ESPL1: variants seen among roughly 807,000 people sequenced by gnomAD.
The protein encoded by ESPL1 is separin.
ESPL1 carries 50 observed loss-of-function variants against 217.2 expected under a neutral mutation model. That is an observed-to-expected ratio of 0.23 (90% CI 0.18 to 0.29). ESPL1 has a LOEUF of 0.29. ESPL1 is among the 10% of genes least tolerant of loss of function. The probability of loss-of-function intolerance (pLI) is 1.00; values close to 1 mark genes in which losing one functional copy is unlikely to be tolerated. For missense variants in ESPL1, 1,834 were observed against 2,603.0 expected, an observed-to-expected ratio of 0.70 and a Z score of 6.43; for synonymous variants, 994 against 1,081.3, an observed-to-expected ratio of 0.92 and a Z score of 1.58.
At position 53,288,222 on chromosome 12, in the gene ESPL1, A is replaced by C. The variant is rs1943987645; in HGVS notation, c.4427A>C (p.Asp1476Ala). ...GAGCGGCGTCCCCAGAGGGCCAGTG[A>C]CCAGGCCAGGCCTGGCCCTGAGATC... Reference protein sequence around the residue: ...CEERRPQRASDQARPGPEIMR... With the variant: ...CEERRPQRASAQARPGPEIMR... The change falls in exon 19 of 31, where the codon GAC (aspartate) becomes GCC (alanine). Residue 1476 changes from aspartate (D) to alanine (A), a missense_variant. By Grantham distance (126) the Asp-to-Ala change is moderately radical. This residue lies in a region of ESPL1 where 681 missense variants were observed against 808.0 expected (regional missense o/e 0.84). Coordinates refer to ENST00000257934, the MANE Select transcript of ESPL1 (RefSeq NM_012291.5). 2 of 1,610,528 alleles carry C rather than the reference A, an allele frequency of 1.2e-6. No homozygotes were observed. The highest frequency in any genetic ancestry group is 1.7e-6 in the Non-Finnish European group (2 of 1,178,882).
chr12:53,280,830 C>T (rs1943848312), intron 12 of ESPL1, among the ~76,000 whole-genome samples: 1 of 151,768 alleles, frequency 6.6e-6, no homozygotes, highest in Admixed American at 6.6e-5. Context: ...CCCGTCTCTA[C>T]TAAAAATACA....
intron 11 of ESPL1, among the ~76,000 whole-genome samples, chr12:53,278,783 G>C (rs146611652): frequency 6.6e-6 from 1 of 151,556 alleles, no homozygotes; most frequent in Non-Finnish European, 1.5e-5. Context: ...TATAGACAGG[G>C]TTTCACCATA....
chr12:53,288,651 A>G lies in ESPL1; in HGVS notation c.4660A>G (p.Lys1554Glu), dbSNP rs1411978091. 6.2e-7 allele frequency: 1 copy of G among 1,613,810 alleles called. No individual in the cohort carries two copies. Residue 1554 changes from lysine to glutamate, a missense_variant, in exon 20 of 31, where the codon AAG becomes GAG. This residue lies in a region of ESPL1 where 681 missense variants were observed against 808.0 expected (regional missense o/e 0.84). Coordinates refer to ENST00000257934, the MANE Select transcript of ESPL1 (RefSeq NM_012291.5). ...PSPCPDKESD[K>E]DLGPRLRLPS... ...CCCATGCCCAGACAAGGAGAGTGAC[A>G]AGGACCTTGGTCCTCGGCTCCGGCT...
intron 14 of ESPL1, 29 bp from the exon 15 acceptor site, chr12:53,283,100 T>G (rs779054851): frequency 1.2e-6 from 2 of 1,613,776 alleles, no homozygotes; most frequent in Non-Finnish European, 1.7e-6. Flanking sequence ...TGGCTGCATC[T>G]TCTCCCTTTT....
In ESPL1 at chr12:53,270,464, C is replaced by T. The variant is rs368582001; in HGVS notation, c.1230C>T (p.Asp410=). 2.5e-6 allele frequency: 4 copies of T among 1,613,240 alleles called. No homozygotes were observed. The highest frequency in any genetic ancestry group is 3.4e-6 in the Non-Finnish European group (4 of 1,179,200). The change falls in exon 4 of 31, where the codon GAC becomes GAT. Residue 410 remains aspartate, a synonymous_variant. Coordinates refer to ENST00000257934, the MANE Select transcript of ESPL1 (RefSeq NM_012291.5). ...ACCTCTACACTGTGGTGGTTTATGA[C>T]TTTGCCCAAGGCTGTCAGGTACTGT... ...GLHLYTVVVY[D]FAQGCQIVDL...
chr12:53,286,003 C>G lies in ESPL1; in HGVS notation c.3267C>G (p.Pro1089=). Residue 1089 remains proline, a synonymous_variant, in exon 18 of 31, where the codon CCC becomes CCG. Transcript: ENST00000257934. This position sits in a 1 kb window ranked among gnomAD's most constrained non-coding sequence, Gnocchi z 5.3. ...AGGGGAAGCAGCAGGCCCAGGTCCCCTGTCCTCCACAGCTCCCAGAGGAGG... is the reference window on the plus strand; with the variant it reads ...AGGGGAAGCAGCAGGCCCAGGTCCCGTGTCCTCCACAGCTCCCAGAGGAGG... The part of the protein sequence containing the change: ...LQKGKQQAQV[P]CPPQLPEEEL... The G allele has an allele frequency of 1.3e-6, 2 of 1,599,466 alleles. No individual in the cohort carries two copies. The highest frequency in any genetic ancestry group is 1.7e-6 in the Non-Finnish European group (2 of 1,168,138).
At chr12:53,280,378 C>A (rs1429617016) in intron 12 of ESPL1, among the ~76,000 whole-genome samples, 1 of 152,156 alleles carries the variant, frequency 6.6e-6, no homozygotes, top group Non-Finnish European at 1.5e-5. Context: ...ACTATTTTTG[C>A]ATCACTCTAG....
In ESPL1 at chr12:53,286,728, A is replaced by G. The variant is rs147747325; in HGVS notation, c.3992A>G (p.Asn1331Ser). Reference sequence around the variant, plus strand: ...TTAGCCTCTGCTCCCCTGCGCCTCAATAATACCTCTCAGAAAGGTCTGGAA... The same window carrying G: ...TTAGCCTCTGCTCCCCTGCGCCTCAGTAATACCTCTCAGAAAGGTCTGGAA... The part of the protein sequence containing the change: ...QKLASAPLRL[N>S]NTSQKGLEGR... The change falls in exon 18 of 31, where the codon AAT becomes AGT. Residue 1331 changes from asparagine to serine, a missense_variant. Around this residue, in one of 5 missense-constraint regions of ESPL1, gnomAD observed 681 missense variants for 808.0 expected, o/e 0.84. Transcript: ENST00000257934. This position sits in a 1 kb window ranked among gnomAD's most constrained non-coding sequence, Gnocchi z 5.3. The G allele has an allele frequency of 1.3e-3, 2,170 of 1,614,164 alleles. 33 individuals carry two copies. The highest frequency in any genetic ancestry group is 2.0e-4 in the Non-Finnish European group (240 of 1,180,022).
intron 5 of ESPL1, 50 bp downstream of exon 5, chr12:53,270,848 A>T: frequency 6.2e-7 from 1 of 1,607,384 alleles, no homozygotes; most frequent in Non-Finnish European, 8.5e-7. Context: ...GTCATCACCC[A>T]TTAGGCAGGT....
chr12:53,276,536 C>G (rs1943767744), intron 7 of ESPL1, 84 bp from the exon 8 acceptor site: 11 of 1,427,062 alleles, frequency 7.7e-6, no homozygotes, highest in Non-Finnish European at 1.0e-5. Context: ...CAAGCCAAGG[C>G]TGGGGCTCCT....
chr12:53,289,092 C>A lies in ESPL1; in HGVS notation c.4711C>A (p.Leu1571Ile). ...CAAGTGTCCTGACGTTCTTCTAGGT[C>A]TTTCTACCCTGGACTCCATCTGTGA... is the stretch of plus-strand genomic sequence containing the variant. ...RLPSAPVATG[L>I]STLDSICDSL... is the part of the protein sequence containing the mutation. The change falls in exon 21 of 31, where the codon CTT becomes ATT. Residue 1571 changes from leucine (L) to isoleucine (I), a missense_variant and splice_region_variant. Leu to Ile is a conservative substitution (Grantham distance 5). Transcript: ENST00000257934. 3 of 1,612,934 alleles carry A rather than the reference C, an allele frequency of 1.9e-6. No homozygotes were observed. The highest frequency in any genetic ancestry group is 2.5e-6 in the Non-Finnish European group (3 of 1,178,844).
At chr12:53,277,311 T>C in intron 9 of ESPL1, 84 bp downstream of exon 9, 1 of 1,522,522 alleles carries the variant, frequency 6.6e-7, no homozygotes, top group South Asian at 1.3e-5. Context: ...TATCAGCCCT[T>C]TTTTTTGTTC....
intron 6 of ESPL1, chr12:53,274,413 CT>C: frequency 5.7e-6 from 1 of 175,574 alleles, no homozygotes; most frequent in Non-Finnish European, 1.2e-5. Context: ...ACTGAAGCAG[CT>C]GCACGAGGGA....
intron 24 of ESPL1, among the ~76,000 whole-genome samples, 154 bp from the exon 25 acceptor site, chr12:53,290,687 A>C (rs2120997179): frequency 1.1e-3 from 1 of 930 alleles, no homozygotes; most frequent in South Asian, 0.17. Flanking sequence ...CAGAAAAAAA[A>C]CGACTTAAAC....
At chr12:53,279,901 G>C (rs866121672) in intron 12 of ESPL1, 35 bp downstream of exon 12, 2 of 1,520,054 alleles carry the variant, frequency 1.3e-6, no homozygotes, top group Middle Eastern at 3.5e-4. Context: ...GGGGACTGCA[G>C]GGGGCCCGTA....
Position 53,290,446 on chromosome 12 carries a change from C to G in ESPL1, c.5341C>G (p.Leu1781Val). The G allele has an allele frequency of 6.2e-7, 1 of 1,613,022 alleles. No individual in the cohort carries two copies. Among genetic ancestry groups the G allele is most frequent in the Non-Finnish European group, 8.5e-7 (1 of 1,179,768 alleles). The change falls in exon 24 of 31, where the codon CTG (leucine) becomes GTG (valine). Residue 1781 changes from leucine to valine, a missense_variant. By Grantham distance (32) the Leu-to-Val change is conservative. Transcript: ENST00000257934. The part of the protein sequence containing the change: ...TDKREWWTGR[L>V]ALDHRMEVLI... ...CAAGCGAGAATGGTGGACAGGGCGG[C>G]TGGCACTGGACCACAGGATGGAGGT... is the stretch of plus-strand genomic sequence containing the variant.
At position 53,290,125 on chromosome 12, in the gene ESPL1, C is replaced by T. The variant is rs769120082; in HGVS notation, c.5154C>T (p.Pro1718=). 17 of 1,613,478 alleles carry T rather than the reference C, an allele frequency of 1.1e-5. No homozygotes were observed. Among genetic ancestry groups the T allele is most frequent in the Admixed American group, 1.7e-5 (1 of 59,996 alleles). Reference sequence around the variant, plus strand: ...TGTTGGCCCTGGCCACCCTCCAGCCCGGAACCGTGGGCAACACCCTCCTGC... The same window carrying T: ...TGTTGGCCCTGGCCACCCTCCAGCCTGGAACCGTGGGCAACACCCTCCTGC... The part of the protein sequence containing the change: ...VCVLALATLQ[P]GTVGNTLLLT... The change falls in exon 23 of 31, where the codon CCC becomes CCT. Residue 1718 remains proline (P), a synonymous_variant. Transcript: ENST00000257934.
chr12:53,271,880 G>A (rs1278403944), intron 5 of ESPL1, among the ~76,000 whole-genome samples: 1 of 152,160 alleles, frequency 6.6e-6, no homozygotes, highest in African/African-American at 2.4e-5. Context: ...ACGAGGTCAG[G>A]AGATCGAGAC....
At chr12:53,288,790 C>A in intron 20 of ESPL1, 91 bp downstream of exon 20, 1 of 1,256,236 alleles carries the variant, frequency 8.0e-7, no homozygotes, top group South Asian at 1.4e-5. Context: ...GGGTTCGGAT[C>A]TGGATCCAGT....
Sources: gnomAD v4.1 joint callset for allele counts (sites outside exome capture counted in the v4.1 genomes callset) on GRCh38, gnomAD v4.1.1 for gene constraint, gnomAD v4.1.1 regional missense constraint, Gnocchi (gnomAD v3.1) non-coding constraint, MANE v1.5 for transcripts, NCBI Gene and HGNC (gene_info 2026-07-23, HGNC 2026-07-21) for gene names.